The following CTNNA2 variants were observed in gnomAD, a reference collection of about 807,000 sequenced individuals.
CTNNA2 encodes catenin alpha-2.
CTNNA2 carries 42 observed loss-of-function variants against 101.0 expected under a neutral mutation model. That is an observed-to-expected ratio of 0.42 (90% CI 0.32 to 0.54). The LOEUF (loss-of-function observed/expected upper bound fraction) is 0.54. Among genes scored for constraint, CTNNA2 ranks in the 20% least tolerant of loss-of-function variants. The pLI is 0.14. For missense variants in CTNNA2, 871 were observed against 1,223.1 expected, an observed-to-expected ratio of 0.71 and a Z score of 4.29; for synonymous variants, 450 against 456.4, an observed-to-expected ratio of 0.99 and a Z score of 0.18.
chr2:80,242,782 G>T (rs1032663269), intron 7 of CTNNA2, among the ~76,000 whole-genome samples: 16 of 152,144 alleles, frequency 1.1e-4, no homozygotes, highest in African/African-American at 3.9e-4. Context: ...TCCTCTGCCA[G>T]CCTGGGTCTG....
chr2:79,271,954 G>A (rs1294744452), intron 2 of CTNNA2, among the ~76,000 whole-genome samples: 3 of 151,700 alleles, frequency 2.0e-5, no homozygotes, highest in South Asian at 2.1e-4. Flanking sequence ...AACCTTCCTC[G>A]TCTCCCATCA....
At chr2:79,719,315 A>G in intron 2 of CTNNA2, among the ~76,000 whole-genome samples, 1 of 152,138 alleles carries the variant, frequency 6.6e-6, no homozygotes, top group East Asian at 1.9e-4. Context: ...ATCCACCATT[A>G]ATGGACACCT....
chr2:79,423,121 T>C (rs1448367892), intron 4 of CTNNA2, among the ~76,000 whole-genome samples: 1 of 152,190 alleles, frequency 6.6e-6, no homozygotes, highest in Non-Finnish European at 1.5e-5. Context: ...ATAAGACTTA[T>C]AGCTTTCACT....
At chr2:80,486,000 TC>T in intron 9 of CTNNA2, among the ~76,000 whole-genome samples, 1 of 152,296 alleles carries the variant, frequency 6.6e-6, no homozygotes, top group Non-Finnish European at 1.5e-5. Flanking sequence ...TGAATTTGGT[TC>T]CATTCTTTTT....
intron 7 of CTNNA2, among the ~76,000 whole-genome samples, chr2:80,004,672 CATTTATTTATTT>C (rs59472149): frequency 0.065 from 9,429 of 145,558 alleles, 598 homozygotes; most frequent in African/African-American, 0.16. Context: ...TTTTATTTTA[CATTTATTTATTT>C]ATTTATTTAT....
At chr2:79,977,453 C>A (rs142113829) in intron 7 of CTNNA2, among the ~76,000 whole-genome samples, 2 of 152,056 alleles carry the variant, frequency 1.3e-5, no homozygotes, top group African/African-American at 4.8e-5. Context: ...GCCCCCACCA[C>A]GAGAATGATC....
intron 7 of CTNNA2, among the ~76,000 whole-genome samples, chr2:80,097,816 C>A (rs1196537223): frequency 1.3e-5 from 2 of 152,224 alleles, no homozygotes; most frequent in African/African-American, 2.4e-5. Flanking sequence ...GAGGCTTATG[C>A]ATTCGTCACG....
At chr2:80,361,211 T>G (rs978381896) in intron 7 of CTNNA2, among the ~76,000 whole-genome samples, 8 of 152,114 alleles carry the variant, frequency 5.3e-5, no homozygotes, top group Non-Finnish European at 1.0e-4. Context: ...AGGTCAAATA[T>G]TCAGGCCTTC....
intron 9 of CTNNA2, among the ~76,000 whole-genome samples, chr2:80,513,062 C>A (rs548042338): frequency 6.6e-6 from 1 of 152,268 alleles, no homozygotes; most frequent in South Asian, 2.1e-4. Context: ...AGAGAGTATA[C>A]CCACAAGTGC....
At chr2:79,761,994 T>C (rs1672817785) in intron 3 of CTNNA2, among the ~76,000 whole-genome samples, 1 of 152,184 alleles carries the variant, frequency 6.6e-6, no homozygotes, top group South Asian at 2.1e-4. Context: ...GGTATAGTGA[T>C]CTGAGAGCCC....
chr2:80,613,118 A>G (rs1475493078), intron 17 of CTNNA2: 4 of 151,616 alleles, frequency 2.6e-5, no homozygotes, highest in African/African-American at 9.6e-5. Flanking sequence ...AGTTCTTTGC[A>G]TATACTTTGC....
chr2:79,474,480 C>A (rs1045740814), intron 4 of CTNNA2, among the ~76,000 whole-genome samples: 14 of 151,970 alleles, frequency 9.2e-5, no homozygotes, highest in African/African-American at 3.4e-4. Flanking sequence ...TCTGTGCTTG[C>A]TAGGAGTTAA....
intron 17 of CTNNA2, among the ~76,000 whole-genome samples, chr2:80,608,907 T>A (rs748395771): frequency 2.6e-5 from 4 of 151,838 alleles, no homozygotes. Flanking sequence ...GTGTTTCCTT[T>A]CTCATGAAAA....
intron 11 of CTNNA2, among the ~76,000 whole-genome samples, chr2:80,547,907 G>A (rs1164218880): frequency 6.6e-6 from 1 of 151,810 alleles, no homozygotes; most frequent in African/African-American, 2.4e-5. Flanking sequence ...GGTCAGGCTG[G>A]TCTCAAACTC....
intron 9 of CTNNA2, among the ~76,000 whole-genome samples, chr2:80,470,956 A>C (rs1685253628): frequency 6.6e-6 from 1 of 152,166 alleles, no homozygotes; most frequent in Non-Finnish European, 1.5e-5. Flanking sequence ...GCAGCCATGC[A>C]AGACTGGAGT....
At chr2:79,657,481 G>C (rs1215897062) in intron 2 of CTNNA2, among the ~76,000 whole-genome samples, 1 of 151,912 alleles carries the variant, frequency 6.6e-6, no homozygotes, top group Non-Finnish European at 1.5e-5. Flanking sequence ...TGGATGTTTA[G>C]TTGAATATTA....
At chr2:80,494,462 A>G (rs189315569) in intron 9 of CTNNA2, among the ~76,000 whole-genome samples, 77 of 152,214 alleles carry the variant, frequency 5.1e-4, no homozygotes, top group Admixed American at 9.2e-4. Flanking sequence ...TTTTATAATA[A>G]CCTAGTATTA....
At chr2:80,531,143 G>T (rs964595958) in intron 9 of CTNNA2, among the ~76,000 whole-genome samples, 1 of 152,098 alleles carries the variant, frequency 6.6e-6, no homozygotes, top group Admixed American at 6.6e-5. Flanking sequence ...TCCCTGGTGC[G>T]GTCAAGGACA....
chr2:79,642,235 G>A (rs975613219), intron 1 of CTNNA2, among the ~76,000 whole-genome samples: 1 of 152,150 alleles, frequency 6.6e-6, no homozygotes, highest in African/African-American at 2.4e-5. Flanking sequence ...TTTGTTAAAA[G>A]GTGTGGCTTT....
Sources: allele counts gnomAD v4.1 joint callset (sites outside exome capture counted in the v4.1 genomes callset), GRCh38; gene constraint gnomAD v4.1.1; transcripts MANE v1.5; gene names NCBI Gene and HGNC (gene_info 2026-07-23, HGNC 2026-07-21).